The following TIPIN variants were observed in gnomAD, a reference collection of about 807,000 sequenced individuals.
TIPIN encodes TIMELESS interacting protein.
In TIPIN, 29 loss-of-function variants were observed where a neutral mutation model predicts 35.6. The ratio of observed to expected loss-of-function variants is 0.82; its 90% CI spans 0.61 to 1.11. The LOEUF (loss-of-function observed/expected upper bound fraction) is 1.11, where lower values mean the gene tolerates loss of function less well. Ranked by LOEUF, TIPIN falls within the 50% of genes most tolerant of loss-of-function variation. The probability of loss-of-function intolerance (pLI) is 0.00; values close to 1 mark genes in which losing one functional copy is unlikely to be tolerated. For synonymous variants in TIPIN, 102 were observed against 121.5 expected, an observed-to-expected ratio of 0.84 and a Z score of 1.06; for missense variants, 296 against 345.4, an observed-to-expected ratio of 0.86 and a Z score of 1.13.
At chr15:66,357,287 A>G (rs2093210112), upstream of TIPIN, among the ~76,000 whole-genome samples, 1 of 152,206 alleles carries the variant, frequency 6.6e-6, no homozygotes, top group Admixed American at 6.6e-5. Context: ...AGGAAAAAGG[A>G]CAGAGGCAAG....
chr15:66,358,451 T>G (rs1450915307), upstream of TIPIN, among the ~76,000 whole-genome samples: 1 of 151,926 alleles, frequency 6.6e-6, no homozygotes, highest in Non-Finnish European at 1.5e-5. Context: ...TTTTTTCTTC[T>G]TTGAGATGGT....
intron 1 of TIPIN, among the ~76,000 whole-genome samples, chr15:66,354,903 TAC>T (rs1204304077): frequency 1.3e-5 from 2 of 152,148 alleles, no homozygotes; most frequent in East Asian, 1.9e-4. Flanking sequence ...GTTTTATTTA[TAC>T]AGTTATTTAT....
intron 4 of TIPIN, among the ~76,000 whole-genome samples, chr15:66,350,618 A>T (rs1595796481): frequency 6.7e-6 from 1 of 150,178 alleles, no homozygotes; most frequent in East Asian, 2.0e-4. Context: ...AAAAACAAAA[A>T]AAAAAACACT....
At chr15:66,337,678 C>T (rs1014964003) in intron 7 of TIPIN, among the ~76,000 whole-genome samples, 1 of 151,326 alleles carries the variant, frequency 6.6e-6, no homozygotes, top group Non-Finnish European at 1.5e-5. Flanking sequence ...AGGCCAGGCC[C>T]GATCCCAACA....
At chr15:66,368,000 A>G (rs1276689366) in intron 1 of TIPIN, among the ~76,000 whole-genome samples, 5 of 150,988 alleles carry the variant, frequency 3.3e-5, no homozygotes, top group African/African-American at 1.2e-4. Flanking sequence ...TGGCTGACTA[A>G]TTTTTGTATT....
chr15:66,373,149 T>G (rs60251203), intron 1 of TIPIN, among the ~76,000 whole-genome samples: 8,442 of 152,148 alleles, frequency 0.055, 395 homozygotes, highest in African/African-American at 0.12. Context: ...GACACATTTC[T>G]CAGAACATAT....
intron 7 of TIPIN, among the ~76,000 whole-genome samples, chr15:66,337,412 A>C (rs2093052515): frequency 1.4e-5 from 2 of 142,584 alleles, no homozygotes; most frequent in Admixed American, 7.1e-5. Context: ...TGCAACCTCC[A>C]CCGGGTTCAA....
chr15:66,365,254 T>C (rs2093249181), intron 1 of TIPIN, among the ~76,000 whole-genome samples: 1 of 152,104 alleles, frequency 6.6e-6, no homozygotes, highest in Admixed American at 6.6e-5. Flanking sequence ...AAGTGACCTC[T>C]GGTTGTCCTC....
chr15:66,337,407 C>T (rs1029438939), intron 7 of TIPIN, among the ~76,000 whole-genome samples: 10 of 150,802 alleles, frequency 6.6e-5, no homozygotes, highest in African/African-American at 2.4e-4. Context: ...CTCACTGCAA[C>T]CTCCACCGGG....
At chr15:66,371,146 G>A in intron 1 of TIPIN, 1 of 766,100 alleles carries the variant, frequency 1.3e-6, no homozygotes, top group South Asian at 5.9e-5. Context: ...AGGAGGCAGA[G>A]GTTGCAGTGA....
At chr15:66,386,190 A>T (rs1490577279) in intron 1 of TIPIN, among the ~76,000 whole-genome samples, 1 of 152,064 alleles carries the variant, frequency 6.6e-6, no homozygotes, top group Non-Finnish European at 1.5e-5. Flanking sequence ...TACTCAGGAG[A>T]CTGAGGCAGG....
chr15:66,349,223 A>C, intron 5 of TIPIN, 92 bp downstream of exon 5: 1 of 1,599,776 alleles, frequency 6.3e-7, no homozygotes, highest in Non-Finnish European at 8.5e-7. Context: ...AAGAGATTTC[A>C]AAATGAACAC....
At chr15:66,383,466 T>C in intron 1 of TIPIN, 1 of 322,472 alleles carries the variant, frequency 3.1e-6, no homozygotes, top group Non-Finnish European at 4.5e-6. Flanking sequence ...TTTCACCATG[T>C]TGGCCAGGCT....
intron 6 of TIPIN, among the ~76,000 whole-genome samples, chr15:66,342,499 G>T (rs1382868571): frequency 2.0e-5 from 3 of 152,020 alleles, no homozygotes; most frequent in Admixed American, 6.6e-5. Flanking sequence ...GAGAAGCTGG[G>T]ATTACAGGCA....
At chr15:66,344,306 A>G (rs2093108266) in intron 6 of TIPIN, among the ~76,000 whole-genome samples, 1 of 152,040 alleles carries the variant, frequency 6.6e-6, no homozygotes, top group African/African-American at 2.4e-5. Flanking sequence ...TTTTGACTGG[A>G]CAAGGTGGCT....
rs55711983 is a variant in TIPIN, at chr15:66,342,186, CAAAAA to C, written c.476-835_476-831del. ...CCTGGGCTACAGAGCAAGACTGTCT[CAAAAA>C]AAAAAAAAAAAAAAAAAGAAAGAAA... On this transcript the variant is annotated intron_variant, in intron 6 of 7. Transcript: ENST00000261881. Among the ~76,000 whole-genome samples, 6 of 108,518 alleles carry C rather than the reference CAAAAA, an allele frequency of 5.5e-5. 1 individual carries two copies. Among genetic ancestry groups the C allele is most frequent in the African/African-American group, 2.3e-4 (6 of 25,810 alleles). 71.2% of individuals were successfully genotyped at this position (108,518 alleles called of 152,430 possible).
chr15:66,336,996 G>A lies in TIPIN; in HGVS notation c.868C>T (p.Leu290Phe), dbSNP rs768182185. ...GTAATATTTCTGGATGTAGCATCAA[G>A]TTGCTGTTGCACATTTTTAAAAGAC... ...DQSFKNVQQQ[L>F]DATSRNITEA... Residue 290 changes from leucine (L) to phenylalanine (F), a missense_variant, in exon 8 of 8, where the codon CTT becomes TTT. Leu to Phe is a conservative substitution (Grantham distance 22, BLOSUM62 0). Transcript: ENST00000261881. 26 of 1,613,212 alleles carry A rather than the reference G, an allele frequency of 1.6e-5. No homozygotes were observed. The East Asian group carries it at 5.6e-4, about 35-fold the overall frequency.
At chr15:66,343,793 G>A (rs2093104348) in intron 6 of TIPIN, among the ~76,000 whole-genome samples, 1 of 152,144 alleles carries the variant, frequency 6.6e-6, no homozygotes, top group African/African-American at 2.4e-5. Context: ...GAGGTGAGGA[G>A]TTCAAGACCA....
chr15:66,367,362 A>G (rs1181047529), intron 1 of TIPIN, among the ~76,000 whole-genome samples: 1 of 151,888 alleles, frequency 6.6e-6, no homozygotes, highest in Non-Finnish European at 1.5e-5. Flanking sequence ...AGACACAAAA[A>G]GCAAAAGGAA....
Sources: allele counts gnomAD v4.1 joint callset (sites outside exome capture counted in the v4.1 genomes callset), GRCh38; gene constraint gnomAD v4.1.1; transcripts MANE v1.5; gene names NCBI Gene and HGNC (gene_info 2026-07-23, HGNC 2026-07-21).